KPNA7: variants seen among roughly 807,000 people sequenced by gnomAD.
The protein encoded by KPNA7 is importin subunit alpha-8.
KPNA7 carries 54 observed loss-of-function variants against 53.7 expected under a neutral mutation model. The observed-to-expected ratio is 1.01, with a 90% CI of 0.81 to 1.26. KPNA7 has a LOEUF of 1.26. Among genes scored for constraint, KPNA7 ranks in the 50% most tolerant of loss-of-function variants. KPNA7 has a pLI of 0.00. For missense variants in KPNA7, 640 were observed against 644.5 expected, an observed-to-expected ratio of 0.99 and a Z score of 0.07; for synonymous variants, 276 against 259.3, an observed-to-expected ratio of 1.06 and a Z score of -0.62.
chr7:99,167,528 C>T, the KPNA7 span, among the ~76,000 whole-genome samples: 1 of 151,118 alleles, frequency 6.6e-6, no homozygotes, highest in Admixed American at 6.6e-5. Context: ...CCTTGGCTCA[C>T]TGCAACCTCC....
the KPNA7 span, among the ~76,000 whole-genome samples, chr7:99,168,065 T>C: frequency 6.9e-6 from 1 of 145,728 alleles, no homozygotes; most frequent in African/African-American, 2.6e-5. Context: ...ACCACTGCCT[T>C]GGCACCAAGT....
upstream of KPNA7, among the ~76,000 whole-genome samples, chr7:99,212,923 C>T (rs959451352): frequency 6.6e-6 from 1 of 151,814 alleles, no homozygotes; most frequent in African/African-American, 2.4e-5. Context: ...AAAATCATTG[C>T]TATTGATCAC....
chr7:99,195,527 T>C (rs1276395166), intron 4 of KPNA7, among the ~76,000 whole-genome samples, 189 bp from the exon 5 acceptor site: 1 of 152,002 alleles, frequency 6.6e-6, no homozygotes, highest in Non-Finnish European at 1.5e-5. Context: ...TGAAACCCCG[T>C]CCCATCTCTA....
the KPNA7 span, among the ~76,000 whole-genome samples, chr7:99,166,377 G>A: frequency 5.3e-5 from 8 of 152,156 alleles, no homozygotes; most frequent in South Asian, 2.1e-4. Flanking sequence ...GTGCAGTGAC[G>A]TGATCCCGGC....
intron 7 of KPNA7, among the ~76,000 whole-genome samples, chr7:99,187,342 T>G (rs1012376728): frequency 8.6e-5 from 13 of 152,038 alleles, no homozygotes; most frequent in Non-Finnish European, 1.5e-5. Context: ...TTTACTTGCT[T>G]TCTGCCTATA....
Position 99,188,191 on chromosome 7 carries a change from A to AG in KPNA7, c.900+108_900+109insC, listed in dbSNP as rs1164140540. The AG allele has an allele frequency of 2.1e-3, 2,095 of 1,020,222 alleles. 38 individuals are homozygous for AG. The highest frequency in any genetic ancestry group is 2.4e-3 in the Non-Finnish European group (1,771 of 736,370). 63.2% of individuals were successfully genotyped at this position (1,020,222 alleles called of 1,614,324 possible). A position where few individuals can be genotyped will look rare whatever the true frequency, so the allele number is the denominator to read the frequency against. On this transcript the variant is annotated intron_variant, in intron 7 of 10. Coordinates refer to ENST00000327442, the MANE Select transcript of KPNA7 (RefSeq NM_001145715.3). Reference sequence around the variant, plus strand: ...CTCTGTCTCAAAAAAAAAAAAAAAAAAAAAAAAGCAAAGACCAGGGAAATG... The same window carrying AG: ...CTCTGTCTCAAAAAAAAAAAAAAAAAGAAAAAAAGCAAAGACCAGGGAAATG...
At chr7:99,157,478 G>A in the KPNA7 span, among the ~76,000 whole-genome samples, 1 of 152,140 alleles carries the variant, frequency 6.6e-6, no homozygotes, top group Admixed American at 6.6e-5. Context: ...CAAAGTGTTG[G>A]GATTACAGGC....
At chr7:99,149,056 CA>C in the KPNA7 span, among the ~76,000 whole-genome samples, 2 of 151,876 alleles carry the variant, frequency 1.3e-5, no homozygotes, top group Non-Finnish European at 2.9e-5. Context: ...ACATCACACC[CA>C]GCTAAGTTTT....
At chr7:99,201,604 G>A (rs372325081) in intron 3 of KPNA7, among the ~76,000 whole-genome samples, 18 of 150,824 alleles carry the variant, frequency 1.2e-4, no homozygotes, top group South Asian at 8.5e-4. Flanking sequence ...CGGAAGTTGC[G>A]GTGAGCCAAG....
At chr7:99,195,561 G>T (rs1020822018) in intron 4 of KPNA7, among the ~76,000 whole-genome samples, 1 of 152,100 alleles carries the variant, frequency 6.6e-6, no homozygotes, top group Non-Finnish European at 1.5e-5. Context: ...AATTAGCTGG[G>T]TGTGGTGGTG....
downstream of KPNA7, among the ~76,000 whole-genome samples, chr7:99,171,754 C>T (rs556359746): frequency 2.0e-5 from 3 of 152,156 alleles, no homozygotes; most frequent in African/African-American, 7.2e-5. Flanking sequence ...AGACCTTGTC[C>T]CTAAAATAAA....
chr7:99,172,182 T>C (rs1798782252), downstream of KPNA7, among the ~76,000 whole-genome samples: 1 of 152,178 alleles, frequency 6.6e-6, no homozygotes, highest in Non-Finnish European at 1.5e-5. Context: ...AAAATGGCTA[T>C]CTCTTCTGTA....
the KPNA7 span, among the ~76,000 whole-genome samples, chr7:99,161,822 G>C: frequency 5.9e-5 from 9 of 152,062 alleles, no homozygotes; most frequent in Admixed American, 1.3e-4. Flanking sequence ...CCACAAATGA[G>C]GCACTTAACA....
the KPNA7 span, among the ~76,000 whole-genome samples, chr7:99,156,596 C>A: frequency 6.6e-6 from 1 of 152,108 alleles, no homozygotes; most frequent in Non-Finnish European, 1.5e-5. Flanking sequence ...ACAATTTTAG[C>A]TCACTGCAAC....
the KPNA7 span, among the ~76,000 whole-genome samples, chr7:99,150,423 C>CTTTTTTCTTT: frequency 7.6e-6 from 1 of 132,446 alleles, no homozygotes; most frequent in African/African-American, 2.8e-5. Context: ...TCATTCTTCT[C>CTTTTTTCTTT]TTTTTTTTGA....
chr7:99,215,895 G>T (rs1425149813), intron 1 of KPNA7, among the ~76,000 whole-genome samples: 1 of 151,692 alleles, frequency 6.6e-6, no homozygotes, highest in Non-Finnish European at 1.5e-5. Flanking sequence ...GATCACTTGA[G>T]CCCAGTAGGT....
the KPNA7 span, among the ~76,000 whole-genome samples, chr7:99,156,555 G>A: frequency 6.6e-6 from 1 of 151,516 alleles, no homozygotes; most frequent in Non-Finnish European, 1.5e-5. Flanking sequence ...ACAGAGTTTT[G>A]CCCTTGTCAC....
At chr7:99,194,487 G>A (rs7789312) in intron 5 of KPNA7, among the ~76,000 whole-genome samples, 12,967 of 152,170 alleles carry the variant, frequency 0.085, 579 homozygotes, top group South Asian at 0.15. Context: ...TTGAAGCCAC[G>A]AAGCCCTGAG....
intron 9 of KPNA7, among the ~76,000 whole-genome samples, chr7:99,179,545 G>T (rs1799067245): frequency 6.6e-6 from 1 of 151,554 alleles, no homozygotes; most frequent in South Asian, 2.1e-4. Context: ...GACAGAGTGA[G>T]ATCCTGTTTC....
Sources: gnomAD v4.1 joint callset for allele counts (sites outside exome capture counted in the v4.1 genomes callset) on GRCh38, gnomAD v4.1.1 for gene constraint, MANE v1.5 for transcripts, NCBI Gene and HGNC (gene_info 2026-07-23, HGNC 2026-07-21) for gene names.